The following MPP3 variants were observed in gnomAD, a reference collection of about 807,000 sequenced individuals.
The protein encoded by MPP3 is MAGUK p55 subfamily member 3.
Under a neutral mutation model 80.7 loss-of-function variants are expected in MPP3, and 48 were observed. That is an observed-to-expected ratio of 0.59 (90% CI 0.47 to 0.76). The LOEUF is 0.76. Among genes scored for constraint, MPP3 ranks in the 30% least tolerant of loss-of-function variants. The pLI, the probability that MPP3 is intolerant of heterozygous loss-of-function variation, is 0.00. For synonymous variants in MPP3, 311 were observed against 297.6 expected, an observed-to-expected ratio of 1.04 and a Z score of -0.46; for missense variants, 620 against 763.0, an observed-to-expected ratio of 0.81 and a Z score of 2.21.
At chr17:43,816,157 GC>G in intron 13 of MPP3, 78 bp from the exon 14 acceptor site, 1 of 1,319,194 alleles carries the variant, frequency 7.6e-7, no homozygotes, top group Non-Finnish European at 1.0e-6. Flanking sequence ...CCCCTGGATG[GC>G]CAGGCAGGAA....
rs757876775 is a variant in MPP3, at chr17:43,831,243, C to T, written c.222+1G>A. On this transcript the variant is annotated splice_donor_variant, in intron 5 of 19. Coordinates refer to ENST00000398389, the MANE Select transcript of MPP3 (RefSeq NM_001932.6). LOFTEE classifies it high-confidence loss of function. The stretch of plus-strand genomic sequence containing the variant: ...ACTGTAAGGAGAAACCTGGGGCTTA[C>T]GTCCTCAGCGAGGGCCACAGCGCTG... 3.1e-6 allele frequency: 5 copies of T among 1,613,924 alleles called. No individual in the cohort carries two copies. The highest frequency in any genetic ancestry group is 1.7e-4 in the Middle Eastern group (1 of 6,060).
intron 19 of MPP3, 31 bp from the exon 20 acceptor site, chr17:43,801,908 C>T (rs752710486): frequency 6.3e-7 from 1 of 1,598,576 alleles, no homozygotes; most frequent in South Asian, 1.1e-5. Context: ...AAAGGAGCAA[C>T]TGGGTTGTTC....
At chr17:43,801,973 T>C (rs2044428280) in intron 19 of MPP3, 96 bp from the exon 20 acceptor site, 1 of 1,294,922 alleles carries the variant, frequency 7.7e-7, no homozygotes, top group Admixed American at 2.3e-5. Flanking sequence ...CTTTAACTTT[T>C]AAGTGATGAG....
rs745569533 is a variant in MPP3, at chr17:43,811,167, CTCCT to C, written c.1290_1293del (p.Gly431TrpfsTer57). 1.2e-6 allele frequency: 2 copies of C among 1,614,172 alleles called. No individual in the cohort carries two copies. Among genetic ancestry groups the C allele is most frequent in the Non-Finnish European group, 1.7e-6 (2 of 1,179,990 alleles). ...TGCTTAGACACAAAGTGATATTCCACTCCTTCCTTCTCATGGCTCTTTCGGGGCC... is the reference window on the plus strand; with the variant it reads ...TGCTTAGACACAAAGTGATATTCCACTCCTTCTCATGGCTCTTTCGGGGCC... On this transcript the variant is annotated frameshift_variant, in exon 17 of 20. Transcript: ENST00000398389. LOFTEE classifies it high-confidence loss of function.
chr17:43,832,043 G>T, intron 2 of MPP3, 100 bp from the exon 3 acceptor site: 1 of 773,240 alleles, frequency 1.3e-6, no homozygotes, highest in South Asian at 1.5e-5. Flanking sequence ...CCAGGCTGTG[G>T]ACAGAGAGGA....
chr17:43,820,760 A>G (rs2045413486), intron 11 of MPP3, 102 bp downstream of exon 11: 2 of 1,088,092 alleles, frequency 1.8e-6, no homozygotes, highest in Non-Finnish European at 1.3e-6. Flanking sequence ...AACAATGCTC[A>G]GCAGGCCCCT....
In MPP3 at chr17:43,820,978, C is replaced by T; in HGVS notation, c.765G>A (p.Gln255=). 7 of 1,612,328 alleles carry T rather than the reference C, an allele frequency of 4.3e-6. No individual in the cohort carries two copies. Among genetic ancestry groups the T allele is most frequent in the East Asian group, 2.2e-5 (1 of 44,866 alleles). The change falls in exon 11 of 20, where the codon CAG becomes CAA. Residue 255 remains glutamine, a synonymous_variant. Coordinates refer to ENST00000398389, the MANE Select transcript of MPP3 (RefSeq NM_001932.6). Reference sequence around the variant, plus strand: ...TCACCACCTCCAGGACCTGCCTGCGCTGGAAGGGCAGGCCCGCCTCCTGGC... The same window carrying T: ...TCACCACCTCCAGGACCTGCCTGCGTTGGAAGGGCAGGCCCGCCTCCTGGC... The part of the protein sequence containing the change: ...IPCQEAGLPF[Q]RRQVLEVVSQ...
chr17:43,801,541 CCAA>C lies in MPP3; in HGVS notation c.*157_*159del. ...TGCAGTGAAAAACAACAGACAAAAA[CCAA>C]CAACAAACAAGACTTCCCACTTATA... On this transcript the variant is annotated 3_prime_UTR_variant, in exon 20 of 20. Transcript: ENST00000398389. The C allele has an allele frequency of 1.5e-6, 1 of 649,642 alleles. No individual in the cohort carries two copies. The highest frequency in any genetic ancestry group is 2.3e-5 in the South Asian group (1 of 43,216). The allele number at this position is 649,642 out of a possible 1,614,324, so 40.2% of individuals were successfully genotyped here.
At chr17:43,823,775 G>A (rs1273528129) in intron 10 of MPP3, among the ~76,000 whole-genome samples, 156 bp downstream of exon 10, 4 of 152,082 alleles carry the variant, frequency 2.6e-5, no homozygotes, top group East Asian at 1.9e-4. Context: ...ACTTTGTGAC[G>A]GAATTAAAGT....
intron 5 of MPP3, 54 bp downstream of exon 5, chr17:43,831,190 G>A: frequency 6.5e-7 from 1 of 1,534,968 alleles, no homozygotes; most frequent in South Asian, 1.1e-5. Flanking sequence ...AGATGAAGGA[G>A]CCCTACAGGG....
chr17:43,822,550 C>G (rs1367331634), intron 10 of MPP3, among the ~76,000 whole-genome samples: 6 of 151,878 alleles, frequency 4.0e-5, no homozygotes, highest in African/African-American at 1.2e-4. Flanking sequence ...CTTAACGTCT[C>G]ACCTGGGCTT....
Position 43,810,838 on chromosome 17 carries a change from T to C in MPP3, c.1427A>G (p.Asn476Ser), listed in dbSNP as rs756416438. 6.8e-6 allele frequency: 11 copies of C among 1,608,736 alleles called. No homozygotes were observed. Among genetic ancestry groups the C allele is most frequent in the South Asian group, 1.1e-5 (1 of 89,800 alleles). Residue 476 changes from asparagine to serine, a missense_variant, in exon 18 of 20, where the codon AAC becomes AGC. Coordinates refer to ENST00000398389, the MANE Select transcript of MPP3 (RefSeq NM_001932.6). ...CTCCACATCCACCAAACAAACTTTG[T>C]TTTTGGCCATAACAGCCTGAATGGC... ...LEAIQAVMAK[N>S]KVCLVDVEPE...
chr17:43,823,908 A>G (rs1000903016), intron 10 of MPP3, 23 bp downstream of exon 10: 3 of 1,170,520 alleles, frequency 2.6e-6, no homozygotes, highest in Admixed American at 1.8e-5. Context: ...GAGAGAGGGC[A>G]CCGCGGACCC....
At chr17:43,808,823 T>C in intron 19 of MPP3, 133 bp downstream of exon 19, 1 of 1,066,232 alleles carries the variant, frequency 9.4e-7, no homozygotes, top group South Asian at 2.3e-5. Flanking sequence ...ATAGGCAAAA[T>C]GGAAAGACAA....
In MPP3 at chr17:43,827,038, G is replaced by A. The variant is rs1428183939; in HGVS notation, c.523+713C>T. Among the ~76,000 whole-genome samples, 12 of 151,254 alleles carry A rather than the reference G, an allele frequency of 7.9e-5. No homozygotes were observed. In the South Asian group the frequency reaches 8.3e-4, roughly 11 times the overall value. On this transcript the variant is annotated intron_variant, in intron 8 of 19. Coordinates refer to ENST00000398389, the MANE Select transcript of MPP3 (RefSeq NM_001932.6). ...TTTCTTTTTTTCTTTTTTTTGAGAC[G>A]GAATTTCACTCTTGTTGCCCAGGCG...
intron 17 of MPP3, 60 bp from the exon 18 acceptor site, chr17:43,810,975 G>T: frequency 6.8e-7 from 1 of 1,470,592 alleles, no homozygotes. Flanking sequence ...AATTAGCAAA[G>T]CAAAGGGGAC....
chr17:43,814,386 CCATGG>C, intron 14 of MPP3, 25 bp from the exon 15 acceptor site: 1 of 1,574,192 alleles, frequency 6.4e-7, no homozygotes, highest in South Asian at 1.2e-5. Flanking sequence ...CAGAGGGACA[CCATGG>C]CATTTGTCCC....
Position 43,801,645 on chromosome 17 carries a change from A to C in MPP3, c.*56T>G. On this transcript the variant is annotated 3_prime_UTR_variant, in exon 20 of 20. Transcript: ENST00000398389. Reference sequence around the variant, plus strand: ...AGATTCCTTGATGGTAAAATGAGGGAGTCTGGACTAGATGATCTTCAAGGT... The same window carrying C: ...AGATTCCTTGATGGTAAAATGAGGGCGTCTGGACTAGATGATCTTCAAGGT... 2 of 1,516,602 alleles carry C rather than the reference A, an allele frequency of 1.3e-6. No homozygotes were observed. Among genetic ancestry groups the C allele is most frequent in the South Asian group, 2.3e-5 (2 of 86,582 alleles). The allele number at this position is 1,516,602 out of a possible 1,614,324, so 93.9% of individuals were successfully genotyped here.
At chr17:43,814,901 G>GA (rs1003882912) in intron 14 of MPP3, among the ~76,000 whole-genome samples, 2 of 151,736 alleles carry the variant, frequency 1.3e-5, no homozygotes, top group Middle Eastern at 3.4e-3. Flanking sequence ...TATGACTCAG[G>GA]AAAAAAAAAT....
Sources: gnomAD v4.1 joint callset for allele counts (sites outside exome capture counted in the v4.1 genomes callset) on GRCh38, gnomAD v4.1.1 for gene constraint, MANE v1.5 for transcripts, NCBI Gene and HGNC (gene_info 2026-07-23, HGNC 2026-07-21) for gene names.